PLCB1: variants seen among roughly 807,000 people sequenced by gnomAD.
PLCB1 encodes phospholipase C beta 1.
Under a neutral mutation model 161.8 loss-of-function variants are expected in PLCB1, and 46 were observed. The observed-to-expected ratio is 0.28, with a 90% confidence interval of 0.22 to 0.36. PLCB1 has a LOEUF of 0.36. Ranked by LOEUF, PLCB1 falls within the 10% of genes least tolerant of loss-of-function variation. PLCB1 has a pLI of 1.00. For missense variants in PLCB1, 1,016 were observed against 1,472.5 expected (o/e 0.69, Z 5.07); for synonymous variants, 517 against 503.7 (o/e 1.03, Z -0.35).
intron 13 of PLCB1, among the ~76,000 whole-genome samples, chr20:8,717,450 C>T (rs1316436911): frequency 6.6e-6 from 1 of 151,918 alleles, no homozygotes; most frequent in Non-Finnish European, 1.5e-5. Context: ...TGGTCTTCTT[C>T]ATGTAGAATA....
At chr20:8,775,469 G>A (rs902133392) in intron 27 of PLCB1, among the ~76,000 whole-genome samples, 1 of 152,190 alleles carries the variant, frequency 6.6e-6, no homozygotes, top group African/African-American at 2.4e-5. Context: ...TGGGTTTTAA[G>A]AGATATTTGT....
At chr20:8,244,787 A>G (rs1233353107) in intron 2 of PLCB1, among the ~76,000 whole-genome samples, 1 of 151,910 alleles carries the variant, frequency 6.6e-6, no homozygotes. Context: ...TCTCCTTTCC[A>G]ATTCCACAGA....
At chr20:8,823,475 G>A (rs1005365521) in intron 31 of PLCB1, among the ~76,000 whole-genome samples, 9 of 152,152 alleles carry the variant, frequency 5.9e-5, no homozygotes, top group Non-Finnish European at 1.5e-5. Flanking sequence ...GTGCATCCGT[G>A]GATTTTGGCA....
At chr20:8,481,181 T>C (rs1323184949) in intron 3 of PLCB1, among the ~76,000 whole-genome samples, 2 of 150,846 alleles carry the variant, frequency 1.3e-5, no homozygotes, top group East Asian at 3.9e-4. Flanking sequence ...AATTGTAGTA[T>C]ATTCACTTTT....
intron 31 of PLCB1, among the ~76,000 whole-genome samples, chr20:8,873,466 A>G (rs1568632671): frequency 6.6e-6 from 1 of 151,882 alleles, no homozygotes; most frequent in Non-Finnish European, 1.5e-5. Context: ...AGAGTTCTAC[A>G]TTTTTCTTTT....
intron 3 of PLCB1, among the ~76,000 whole-genome samples, chr20:8,475,028 CACACAG>C (rs1427188583): frequency 4.0e-5 from 6 of 151,604 alleles, no homozygotes; most frequent in African/African-American, 1.5e-4. Flanking sequence ...CACACACACA[CACACAG>C]ACACACACAC....
chr20:8,653,287 A>G (rs1168556863), intron 7 of PLCB1: 1 of 152,124 alleles, frequency 6.6e-6, no homozygotes, highest in African/African-American at 2.4e-5. Context: ...AATAAAATGT[A>G]TAAAATAACT....
chr20:8,149,488 T>A lies in PLCB1; in HGVS notation c.100-806T>A, dbSNP rs186741747. Among the ~76,000 whole-genome samples the A allele has an allele frequency of 2.4e-3, 358 of 152,288 alleles. 1 individual carries two copies. Among genetic ancestry groups the A allele is most frequent in the African/African-American group, 8.1e-3 (335 of 41,558 alleles). On this transcript the variant is annotated intron_variant, in intron 1 of 31. Coordinates refer to ENST00000338037, the MANE Select transcript of PLCB1 (RefSeq NM_015192.4). ...CAAGTTCTTTTAATAAGCTAGATGA[T>A]ATGACACACTATGGTTATGTGTATG...
intron 2 of PLCB1, among the ~76,000 whole-genome samples, chr20:8,289,997 A>G (rs2719805): frequency 1.6e-3 from 249 of 152,262 alleles, no homozygotes; most frequent in African/African-American, 4.8e-3. Context: ...GCAACTGGAG[A>G]TTTATAACTT....
At chr20:8,363,584 C>G (rs984841078) in intron 2 of PLCB1, among the ~76,000 whole-genome samples, 19 of 152,190 alleles carry the variant, frequency 1.2e-4, no homozygotes, top group African/African-American at 4.6e-4. Flanking sequence ...AATTCACTCA[C>G]TCTTGCTGTA....
At chr20:8,135,012 C>G (rs2051331887) in intron 1 of PLCB1, among the ~76,000 whole-genome samples, 1 of 152,134 alleles carries the variant, frequency 6.6e-6, no homozygotes, top group Non-Finnish European at 1.5e-5. Context: ...GGTTGCCTTT[C>G]TCTTCCCCAG....
intron 31 of PLCB1, among the ~76,000 whole-genome samples, chr20:8,816,124 C>CTT (rs112630842): frequency 0.066 from 10,098 of 152,228 alleles, 906 homozygotes; most frequent in African/African-American, 0.2. Context: ...AGGAACTGAT[C>CTT]TTTCAGAAAA....
intron 3 of PLCB1, among the ~76,000 whole-genome samples, chr20:8,379,802 T>G (rs1987207668): frequency 6.6e-6 from 1 of 152,180 alleles, no homozygotes; most frequent in South Asian, 2.1e-4. Flanking sequence ...TGGTGGTATT[T>G]GTTTTGTTTT....
At chr20:8,626,379 T>C (rs1421605665) in intron 3 of PLCB1, among the ~76,000 whole-genome samples, 1 of 152,128 alleles carries the variant, frequency 6.6e-6, no homozygotes. Flanking sequence ...TTAAGGATGA[T>C]TCAAGAGAAT....
chr20:8,658,785 T>A, intron 9 of PLCB1, 81 bp downstream of exon 9: 1 of 1,195,006 alleles, frequency 8.4e-7, no homozygotes, highest in Non-Finnish European at 1.2e-6. Flanking sequence ...GGAACACCAG[T>A]GATCGTTAGG....
chr20:8,490,499 A>G (rs1378160656), intron 3 of PLCB1, among the ~76,000 whole-genome samples: 1 of 152,210 alleles, frequency 6.6e-6, no homozygotes, highest in Non-Finnish European at 1.5e-5. Flanking sequence ...TTGTGGATGG[A>G]CACAGGCTTT....
At chr20:8,643,858 T>C (rs1248189343) in intron 4 of PLCB1, among the ~76,000 whole-genome samples, 1 of 150,880 alleles carries the variant, frequency 6.6e-6, no homozygotes, top group Non-Finnish European at 1.5e-5. Flanking sequence ...AAAGCTGGAC[T>C]GTACTGCCGC....
At chr20:8,244,790 T>G (rs1198033987) in intron 2 of PLCB1, among the ~76,000 whole-genome samples, 1 of 151,880 alleles carries the variant, frequency 6.6e-6, no homozygotes, top group Admixed American at 6.6e-5. Flanking sequence ...CCTTTCCAAT[T>G]CCACAGAGAA....
chr20:8,312,358 C>T (rs1984445238), intron 2 of PLCB1, among the ~76,000 whole-genome samples: 1 of 152,106 alleles, frequency 6.6e-6, no homozygotes, highest in African/African-American at 2.4e-5. Flanking sequence ...CCAGAGCTCT[C>T]TGTGGGATCA....
Sources: gnomAD v4.1 joint callset for allele counts (sites outside exome capture counted in the v4.1 genomes callset) on GRCh38, gnomAD v4.1.1 for gene constraint, MANE v1.5 for transcripts, NCBI Gene and HGNC (gene_info 2026-07-23, HGNC 2026-07-21) for gene names.